Variants in CCDC85A observed in about 807,000 individuals in gnomAD.
CCDC85A encodes the protein coiled-coil domain-containing protein 85A.
CCDC85A carries 38 observed loss-of-function variants against 50.2 expected under a neutral mutation model. That is an observed-to-expected ratio of 0.76 (90% CI 0.58 to 0.99). CCDC85A has a LOEUF of 0.99. Among genes scored for constraint, CCDC85A ranks in the 50% least tolerant of loss-of-function variants. CCDC85A has a pLI of 0.00. For missense variants in CCDC85A, 820 were observed against 742.0 expected (o/e 1.11, Z -1.22); for synonymous variants, 366 against 301.4 (o/e 1.21, Z -2.22).
At chr2:56,203,114 G>A (rs1223224459) in intron 2 of CCDC85A, among the ~76,000 whole-genome samples, 1 of 152,214 alleles carries the variant, frequency 6.6e-6, no homozygotes, top group African/African-American at 2.4e-5. Context: ...CCTCTTCACT[G>A]TTACAAAAGC....
intron 2 of CCDC85A, among the ~76,000 whole-genome samples, chr2:56,324,897 G>A (rs923310548): frequency 6.6e-6 from 1 of 151,770 alleles, no homozygotes. Flanking sequence ...CATGGGACAT[G>A]GATTTAATAG....
intron 3 of CCDC85A, among the ~76,000 whole-genome samples, chr2:56,365,202 C>T (rs1255900349): frequency 6.6e-6 from 1 of 152,214 alleles, no homozygotes; most frequent in African/African-American, 2.4e-5. Context: ...ACTACGTCCA[C>T]TGTGACTCCA....
chr2:56,244,931 G>C (rs771346273), intron 2 of CCDC85A, among the ~76,000 whole-genome samples: 33 of 152,098 alleles, frequency 2.2e-4, no homozygotes, highest in Non-Finnish European at 8.8e-5. Context: ...TGGCTGAGCT[G>C]GTATCCAACT....
chr2:56,345,884 A>ATC (rs1674608304), intron 3 of CCDC85A, among the ~76,000 whole-genome samples: 1 of 152,226 alleles, frequency 6.6e-6, no homozygotes, highest in Non-Finnish European at 1.5e-5. Flanking sequence ...GCCTAAGTTA[A>ATC]TCTCAATATT....
At chr2:56,243,023 T>G (rs1669334825) in intron 2 of CCDC85A, among the ~76,000 whole-genome samples, 1 of 152,148 alleles carries the variant, frequency 6.6e-6, no homozygotes, top group Non-Finnish European at 1.5e-5. Flanking sequence ...CTGTCCTTTC[T>G]GTGTTGTTTT....
At chr2:56,304,967 G>C (rs1438003300) in intron 2 of CCDC85A, among the ~76,000 whole-genome samples, 1 of 151,606 alleles carries the variant, frequency 6.6e-6, no homozygotes, top group Non-Finnish European at 1.5e-5. Context: ...CCTGGGCGTG[G>C]TGGTGTGCAC....
chr2:56,293,278 CAGAAA>C (rs1417467176), intron 2 of CCDC85A, among the ~76,000 whole-genome samples: 1 of 152,128 alleles, frequency 6.6e-6, no homozygotes, highest in East Asian at 1.9e-4. Flanking sequence ...TAGCCATATG[CAGAAA>C]ATTGAAACTG....
chr2:56,347,587 T>G (rs1674690301), intron 3 of CCDC85A, among the ~76,000 whole-genome samples: 1 of 152,198 alleles, frequency 6.6e-6, no homozygotes, highest in Non-Finnish European at 1.5e-5. Flanking sequence ...GTCTTCTCCC[T>G]GACACATTTC....
chr2:56,345,631 G>T (rs1257553075), intron 3 of CCDC85A, among the ~76,000 whole-genome samples: 1 of 152,152 alleles, frequency 6.6e-6, no homozygotes, highest in Non-Finnish European at 1.5e-5. Flanking sequence ...CAGACAGTAG[G>T]TAAGACCCTA....
intron 2 of CCDC85A, among the ~76,000 whole-genome samples, chr2:56,204,643 G>A (rs1369246380): frequency 6.6e-6 from 1 of 152,156 alleles, no homozygotes; most frequent in Non-Finnish European, 1.5e-5. Context: ...CCACTCACCT[G>A]ACTTCCTCCA....
chr2:56,222,425 G>T (rs938543886), intron 2 of CCDC85A, among the ~76,000 whole-genome samples: 1 of 152,014 alleles, frequency 6.6e-6, no homozygotes, highest in East Asian at 1.9e-4. Context: ...GACCAAAGAC[G>T]TGGAATGCAT....
intron 2 of CCDC85A, among the ~76,000 whole-genome samples, chr2:56,229,614 G>A (rs1157775890): frequency 2.0e-5 from 3 of 152,112 alleles, no homozygotes; most frequent in East Asian, 3.9e-4. Flanking sequence ...TGGTGGTATC[G>A]TGGACCTCTG....
At position 56,251,542 on chromosome 2, in the gene CCDC85A, A is replaced by G. The variant is rs564752536; in HGVS notation, c.1240+58102A>G. 3.2e-4 allele frequency among the ~76,000 whole-genome samples: 46 copies of G among 143,914 alleles called. 1 individual carries two copies. In the East Asian group the frequency reaches 5.6e-3, roughly 18 times the overall value. 94.4% of individuals were successfully genotyped at this position (143,914 alleles called of 152,430 possible). On this transcript the variant is annotated intron_variant, in intron 2 of 5. Coordinates refer to ENST00000407595, the MANE Select transcript of CCDC85A (RefSeq NM_001080433.2). Reference sequence around the variant, plus strand: ...TAAATATTGTTTGTATCATGTTGCAACCTCCTCTTTGGCTTAACCTCCCTT... The same window carrying G: ...TAAATATTGTTTGTATCATGTTGCAGCCTCCTCTTTGGCTTAACCTCCCTT...
chr2:56,208,751 A>G (rs1677058062), intron 2 of CCDC85A, among the ~76,000 whole-genome samples: 1 of 152,136 alleles, frequency 6.6e-6, no homozygotes, highest in Non-Finnish European at 1.5e-5. Context: ...GGGCAGGCAC[A>G]GCAAAAGGAA....
rs896136174 is a variant in CCDC85A, at chr2:56,184,494, C to A, written c.-131C>A. On this transcript the variant is annotated 5_prime_UTR_variant, in exon 1 of 6. Transcript: ENST00000407595. ...CGCGACCCCCGCCGCCCCAACCCAGCGGCCCCTGGGCGGTGCCGCTGACTC... is the reference window on the plus strand; with the variant it reads ...CGCGACCCCCGCCGCCCCAACCCAGAGGCCCCTGGGCGGTGCCGCTGACTC... The A allele has an allele frequency of 9.7e-7, 1 of 1,034,292 alleles. No homozygotes were observed. Among genetic ancestry groups the A allele is most frequent in the Non-Finnish European group, 1.2e-6 (1 of 811,174 alleles). The allele number at this position is 1,034,292 out of a possible 1,614,324, so 64.1% of individuals were successfully genotyped here. A position where few individuals can be genotyped will look rare whatever the true frequency, so the allele number is the denominator to read the frequency against.
At chr2:56,275,113 T>C (rs1573151198) in intron 2 of CCDC85A, among the ~76,000 whole-genome samples, 1 of 152,046 alleles carries the variant, frequency 6.6e-6, no homozygotes, top group Non-Finnish European at 1.5e-5. Flanking sequence ...TGACTTTTTG[T>C]TGTTGTTAGT....
intron 1 of CCDC85A, among the ~76,000 whole-genome samples, chr2:56,186,111 C>T (rs56007407): frequency 0.02 from 3,055 of 152,280 alleles, 51 homozygotes; most frequent in South Asian, 0.047. Context: ...TGGAGATGGC[C>T]GTCTCCCGAG....
chr2:56,260,156 A>G (rs1033303383), intron 2 of CCDC85A, among the ~76,000 whole-genome samples: 32 of 152,228 alleles, frequency 2.1e-4, no homozygotes, highest in African/African-American at 7.7e-4. Context: ...ACCAATGTGA[A>G]AATCAGTGTG....
chr2:56,268,493 G>A (rs560019576), intron 2 of CCDC85A, among the ~76,000 whole-genome samples: 38 of 151,786 alleles, frequency 2.5e-4, no homozygotes, highest in African/African-American at 8.0e-4. Flanking sequence ...TACTTGGGAG[G>A]CTGAGGCAGG....
Sources: gnomAD v4.1 joint callset for allele counts (sites outside exome capture counted in the v4.1 genomes callset) on GRCh38, gnomAD v4.1.1 for gene constraint, MANE v1.5 for transcripts, NCBI Gene and HGNC (gene_info 2026-07-23, HGNC 2026-07-21) for gene names.